The following CALN1 variants were observed in gnomAD, a reference collection of about 807,000 sequenced individuals.
CALN1 encodes the protein calcium-binding protein 8.
A neutral mutation model predicts 30.6 loss-of-function variants in CALN1; 17 were observed. That is an observed-to-expected ratio of 0.56 (90% confidence interval 0.38 to 0.83). The LOEUF (loss-of-function observed/expected upper bound fraction) is 0.83, where lower values mean the gene tolerates loss of function less well. Among genes scored for constraint, CALN1 ranks in the 40% least tolerant of loss-of-function variants. The pLI, the probability that CALN1 is intolerant of heterozygous loss-of-function variation, is 0.00. For missense variants in CALN1, 291 were observed against 354.9 expected (o/e 0.82, Z 1.45); for synonymous variants, 156 against 131.4 (o/e 1.19, Z -1.28).
chr7:72,410,824 G>C (rs1807078882), intron 1 of CALN1, among the ~76,000 whole-genome samples: 1 of 152,118 alleles, frequency 6.6e-6, no homozygotes, highest in South Asian at 2.1e-4. Context: ...TTTCCAAGAA[G>C]CACTAGAAAC....
intron 2 of CALN1, among the ~76,000 whole-genome samples, chr7:72,372,839 G>T (rs1804325663): frequency 6.6e-6 from 1 of 152,074 alleles, no homozygotes; most frequent in Non-Finnish European, 1.5e-5. Flanking sequence ...AAAATGTCAA[G>T]GATACAACTC....
At chr7:71,945,027 TA>T (rs1485736016) in intron 5 of CALN1, among the ~76,000 whole-genome samples, 6 of 152,206 alleles carry the variant, frequency 3.9e-5, no homozygotes, top group African/African-American at 1.4e-4. Flanking sequence ...GCATGGGTCA[TA>T]GGGGCGGATC....
chr7:72,422,628 T>A (rs1008396254), intron 1 of CALN1, among the ~76,000 whole-genome samples: 1 of 152,244 alleles, frequency 6.6e-6, no homozygotes, highest in African/African-American at 2.4e-5. Flanking sequence ...TCCCTCCCAG[T>A]GAGATTCCAT....
chr7:72,347,078 G>A (rs1802684702), intron 2 of CALN1, among the ~76,000 whole-genome samples: 1 of 152,030 alleles, frequency 6.6e-6, no homozygotes, highest in Non-Finnish European at 1.5e-5. Flanking sequence ...GAGAAAGAAT[G>A]GGGTGGATGC....
At chr7:72,316,482 GAC>G (rs1201503626) in intron 2 of CALN1, among the ~76,000 whole-genome samples, 1 of 152,046 alleles carries the variant, frequency 6.6e-6, no homozygotes, top group African/African-American at 2.4e-5. Context: ...ACAGAGTAAA[GAC>G]ACACAACATC....
intron 1 of CALN1, among the ~76,000 whole-genome samples, chr7:72,433,290 A>G (rs551202871): frequency 6.6e-6 from 1 of 152,304 alleles, no homozygotes; most frequent in African/African-American, 2.4e-5. Context: ...CACATCCACA[A>G]GACAGCAGGA....
intron 2 of CALN1, chr7:72,337,006 G>C (rs1025639401): frequency 1.0e-6 from 1 of 985,412 alleles, no homozygotes; most frequent in African/African-American, 1.7e-5. Context: ...CTCTGCTCTC[G>C]TCTGGGGACG....
At chr7:72,314,360 C>T (rs28534390) in intron 2 of CALN1, among the ~76,000 whole-genome samples, 855 of 4,622 alleles carry the variant, frequency 0.18, 7 homozygotes, top group Middle Eastern at 0.5. Flanking sequence ...CATATATATA[C>T]ATATACATAT....
intron 5 of CALN1, among the ~76,000 whole-genome samples, chr7:71,870,041 G>A (rs1791830156): frequency 6.6e-6 from 1 of 152,204 alleles, no homozygotes; most frequent in African/African-American, 2.4e-5. Flanking sequence ...AAGGAACGAT[G>A]AGGAGTGGGG....
At chr7:72,349,562 T>C (rs1802818655) in intron 2 of CALN1, among the ~76,000 whole-genome samples, 1 of 152,174 alleles carries the variant, frequency 6.6e-6, no homozygotes, top group Non-Finnish European at 1.5e-5. Context: ...GATGTAATAC[T>C]AACTTCTTTT....
intron 5 of CALN1, among the ~76,000 whole-genome samples, chr7:71,892,353 A>T (rs1793289300): frequency 6.6e-6 from 1 of 152,080 alleles, no homozygotes; most frequent in Non-Finnish European, 1.5e-5. Flanking sequence ...ATAAAGATCC[A>T]GGGCCAGGCG....
At chr7:72,416,859 G>C (rs979603191), upstream of CALN1, among the ~76,000 whole-genome samples, 2 of 152,126 alleles carry the variant, frequency 1.3e-5, no homozygotes, top group South Asian at 2.1e-4. Context: ...TTGAGCTGGG[G>C]TGGGCTGGGC....
the CALN1 span, among the ~76,000 whole-genome samples, chr7:72,498,200 C>T: frequency 2.0e-5 from 3 of 151,992 alleles, no homozygotes; most frequent in African/African-American, 7.2e-5. Context: ...ATCCATAATA[C>T]CAAACCTCCC....
chr7:71,833,620 A>C (rs1282580157), intron 5 of CALN1, among the ~76,000 whole-genome samples: 1 of 150,602 alleles, frequency 6.6e-6, no homozygotes, highest in African/African-American at 2.4e-5. Context: ...GAATCAGAAG[A>C]CCAGGCGAGG....
At chr7:71,958,721 A>C (rs895764511) in intron 5 of CALN1, among the ~76,000 whole-genome samples, 4 of 152,204 alleles carry the variant, frequency 2.6e-5, no homozygotes, top group African/African-American at 7.2e-5. Flanking sequence ...TTCAGAGCTG[A>C]CCACAATGGT....
intron 1 of CALN1, among the ~76,000 whole-genome samples, chr7:72,432,397 A>C (rs1290832442): frequency 6.6e-6 from 1 of 152,166 alleles, no homozygotes; most frequent in African/African-American, 2.4e-5. Context: ...GAACAGACTA[A>C]TACAAGGACC....
the CALN1 span, among the ~76,000 whole-genome samples, chr7:72,464,487 G>A: frequency 6.6e-6 from 1 of 152,096 alleles, no homozygotes; most frequent in Non-Finnish European, 1.5e-5. Context: ...CATCCCAAGG[G>A]AACCCACTGC....
At chr7:72,227,250 A>G (rs1183157402) in intron 3 of CALN1, among the ~76,000 whole-genome samples, 1 of 150,956 alleles carries the variant, frequency 6.6e-6, no homozygotes, top group Non-Finnish European at 1.5e-5. Flanking sequence ...AAAAAAAAAA[A>G]AGAGGGCAGC....
chr7:72,313,587 G>T (rs986403424), intron 2 of CALN1, among the ~76,000 whole-genome samples: 1 of 152,024 alleles, frequency 6.6e-6, no homozygotes, highest in Non-Finnish European at 1.5e-5. Context: ...TAGAGATGGG[G>T]TCTCACTGTG....
Sources: allele counts gnomAD v4.1 joint callset (sites outside exome capture counted in the v4.1 genomes callset), GRCh38; gene constraint gnomAD v4.1.1; transcripts MANE v1.5; gene names NCBI Gene and HGNC (gene_info 2026-07-23, HGNC 2026-07-21).